KCNMB4: variants seen among roughly 807,000 people sequenced by gnomAD.
KCNMB4 encodes the protein calcium-activated potassium channel subunit beta-4.
A neutral mutation model predicts 20.7 loss-of-function variants in KCNMB4; 3 were observed. That is an observed-to-expected ratio of 0.14 (90% CI 0.07 to 0.37). The LOEUF is 0.37. Among genes scored for constraint, KCNMB4 ranks in the 10% least tolerant of loss-of-function variants. The pLI is 1.00. For missense variants in KCNMB4, 168 were observed against 265.9 expected (o/e 0.63, Z 2.56); for synonymous variants, 110 against 113.4 (o/e 0.97, Z 0.19).
At chr12:70,397,361 C>A (rs1347765934) in intron 1 of KCNMB4, among the ~76,000 whole-genome samples, 1 of 152,122 alleles carries the variant, frequency 6.6e-6, no homozygotes, top group Non-Finnish European at 1.5e-5. Flanking sequence ...AAAAAAAATT[C>A]TTTCCAGGCA....
At chr12:70,403,620 C>T (rs941699792) in intron 2 of KCNMB4, among the ~76,000 whole-genome samples, 3 of 152,144 alleles carry the variant, frequency 2.0e-5, no homozygotes, top group Non-Finnish European at 4.4e-5. Context: ...GCCTCTGTGC[C>T]CAGCTAGAGG....
chr12:70,400,607 A>G (rs895841474), intron 2 of KCNMB4, among the ~76,000 whole-genome samples: 7 of 152,238 alleles, frequency 4.6e-5, no homozygotes, highest in African/African-American at 1.7e-4. Context: ...TGATGCACAT[A>G]AGCTAAGCAA....
chr12:70,431,410 T>C lies in KCNMB4; in HGVS notation c.*757T>C, dbSNP rs984499382. ...AAAGCACTGGGCTTCCTTATTCATC[T>C]GTTCTTGTTGTTTTTGACGGAGTTA... On this transcript the variant is annotated 3_prime_UTR_variant, in exon 3 of 3. Transcript: ENST00000258111. 2.0e-5 allele frequency: 3 copies of C among 152,354 alleles called. No homozygotes were observed. The highest frequency in any genetic ancestry group is 3.9e-4 in the East Asian group (2 of 5,192). The allele number at this position is 152,354 out of a possible 1,614,324, so 9.4% of individuals were successfully genotyped here. A position where few individuals can be genotyped will look rare whatever the true frequency, so the allele number is the denominator to read the frequency against.
At chr12:70,381,528 A>G (rs1883785681) in intron 1 of KCNMB4, among the ~76,000 whole-genome samples, 1 of 152,234 alleles carries the variant, frequency 6.6e-6, no homozygotes, top group Non-Finnish European at 1.5e-5. Flanking sequence ...AATTCATACA[A>G]TGGAAAATTA....
intron 2 of KCNMB4, among the ~76,000 whole-genome samples, chr12:70,424,765 T>G (rs200739284): frequency 9.9e-5 from 11 of 111,652 alleles, no homozygotes; most frequent in Non-Finnish European, 6.1e-5. Flanking sequence ...AAAAAAAGAA[T>G]ACTACAAAGG....
intron 2 of KCNMB4, among the ~76,000 whole-genome samples, chr12:70,420,854 C>T (rs1170411142): frequency 2.0e-5 from 3 of 151,932 alleles, no homozygotes; most frequent in Non-Finnish European, 2.9e-5. Context: ...GTCAAGAGAT[C>T]GAGACCATCC....
chr12:70,407,558 C>T (rs369429486), intron 2 of KCNMB4, among the ~76,000 whole-genome samples: 1 of 149,264 alleles, frequency 6.7e-6, no homozygotes, highest in South Asian at 2.1e-4. Flanking sequence ...AGCTCCGCCT[C>T]CCGGGTTCAC....
chr12:70,428,202 C>G (rs1444369342), intron 2 of KCNMB4, among the ~76,000 whole-genome samples: 2 of 152,098 alleles, frequency 1.3e-5, no homozygotes, highest in African/African-American at 4.8e-5. Context: ...CTATGTTGCC[C>G]AGGCTGGTCT....
intron 1 of KCNMB4, among the ~76,000 whole-genome samples, chr12:70,396,731 A>G (rs543383032): frequency 1.9e-4 from 29 of 152,362 alleles, no homozygotes; most frequent in African/African-American, 6.7e-4. Context: ...GGTTGTGATG[A>G]TGACGTTACC....
intron 1 of KCNMB4, among the ~76,000 whole-genome samples, chr12:70,386,469 A>G (rs949042494): frequency 6.6e-6 from 1 of 152,144 alleles, no homozygotes; most frequent in Non-Finnish European, 1.5e-5. Context: ...TGACCAAGAT[A>G]GGCAAAGATC....
intron 2 of KCNMB4, among the ~76,000 whole-genome samples, chr12:70,412,526 G>A (rs1267801669): frequency 1.3e-5 from 2 of 152,134 alleles, no homozygotes; most frequent in African/African-American, 2.4e-5. Flanking sequence ...TTTTCCGGAC[G>A]TCTTTGCATT....
chr12:70,376,909 A>G (rs766779815), intron 1 of KCNMB4, among the ~76,000 whole-genome samples: 8 of 152,070 alleles, frequency 5.3e-5, no homozygotes, highest in Non-Finnish European at 1.0e-4. Flanking sequence ...ATTTTATAAT[A>G]ACATAAAAAT....
chr12:70,373,912 A>G (rs710666), intron 1 of KCNMB4, among the ~76,000 whole-genome samples: 115,909 of 152,124 alleles, frequency 0.76, 45,240 homozygotes, highest in East Asian at 0.94. Context: ...CTTGAGCCTA[A>G]GAGTACAAGA....
Position 70,422,611 on chromosome 12 carries a change from G to A in KCNMB4, c.465-7874G>A, listed in dbSNP as rs558245103. 36 of 885,296 alleles carry A rather than the reference G, an allele frequency of 4.1e-5. 1 individual carries two copies. The East Asian group carries it at 1.6e-3, about 38-fold the overall frequency. The allele number at this position is 885,296 out of a possible 1,614,324, so 54.8% of individuals were successfully genotyped here. Reference sequence around the variant, plus strand: ...CAACAAAGGATTTCTAATTAATAAAGCCTTTTTGTGCCAAGCTGACTTTAG... The same window carrying A: ...CAACAAAGGATTTCTAATTAATAAAACCTTTTTGTGCCAAGCTGACTTTAG... On this transcript the variant is annotated intron_variant, in intron 2 of 2. Coordinates refer to ENST00000258111, the MANE Select transcript of KCNMB4 (RefSeq NM_014505.6).
intron 1 of KCNMB4, among the ~76,000 whole-genome samples, chr12:70,368,442 T>C (rs1009169203): frequency 6.6e-6 from 1 of 152,042 alleles, no homozygotes; most frequent in African/African-American, 2.4e-5. Context: ...CAATAATACA[T>C]AAGCAGTAAA....
chr12:70,389,881 A>T lies in KCNMB4; in HGVS notation c.337-10328A>T, dbSNP rs1868286137. Among the ~76,000 whole-genome samples the T allele has an allele frequency of 2.0e-5, 3 of 152,240 alleles. No homozygotes were observed. The South Asian group carries it at 6.2e-4, about 32-fold the overall frequency. On this transcript the variant is annotated intron_variant, in intron 1 of 2. Transcript: ENST00000258111. ...TTGTTTTGTTGGAGTACATCCTCAA[A>T]TAGCTTTCCGAGAATGGGTGAATGG...
chr12:70,421,895 T>C (rs1199817648), intron 2 of KCNMB4, among the ~76,000 whole-genome samples: 1 of 151,908 alleles, frequency 6.6e-6, no homozygotes, highest in Non-Finnish European at 1.5e-5. Flanking sequence ...TTTTTTTTTT[T>C]TTAACGAAGT....
chr12:70,383,294 G>A (rs531251047), intron 1 of KCNMB4, among the ~76,000 whole-genome samples: 1 of 152,192 alleles, frequency 6.6e-6, no homozygotes, highest in South Asian at 2.1e-4. Flanking sequence ...TTTCAGTAAA[G>A]CTAAGGGGAA....
At chr12:70,391,764 G>A (rs886924818) in intron 1 of KCNMB4, among the ~76,000 whole-genome samples, 25 of 152,286 alleles carry the variant, frequency 1.6e-4, no homozygotes, top group African/African-American at 5.8e-4. Flanking sequence ...GAGCATTCTC[G>A]AGAGAGATGC....
Sources: allele counts gnomAD v4.1 joint callset (sites outside exome capture counted in the v4.1 genomes callset), GRCh38; gene constraint gnomAD v4.1.1; transcripts MANE v1.5; gene names NCBI Gene and HGNC (gene_info 2026-07-23, HGNC 2026-07-21).